The following MEX3D variants were observed in gnomAD, a reference collection of about 807,000 sequenced individuals.
MEX3D encodes mex-3 RNA binding family member D, also known as RNA-binding protein MEX3D.
In MEX3D, 4 loss-of-function variants were observed where a neutral mutation model predicts 6.3. The ratio of observed to expected loss-of-function variants is 0.64; its 90% CI spans 0.31 to 1.46. The LOEUF (loss-of-function observed/expected upper bound fraction) is 1.46. Among genes scored for constraint, MEX3D ranks in the 40% most tolerant of loss-of-function variants. The probability of loss-of-function intolerance (pLI) is 0.07; values close to 1 mark genes in which losing one functional copy is unlikely to be tolerated. For synonymous variants in MEX3D, 626 were observed against 494.1 expected, an observed-to-expected ratio of 1.27 and a Z score of -3.54; for missense variants, 1,038 against 994.4, an observed-to-expected ratio of 1.04 and a Z score of -0.59.
Position 1,555,397 on chromosome 19 carries a change from G to A in MEX3D, c.*166C>T, listed in dbSNP as rs374066231. ...GGGTCTCCGTCTCCACGCCTGAGGC[G>A]GCAGTTAAAGCTCATCTGTAAACAC... On this transcript the variant is annotated 3_prime_UTR_variant, in exon 2 of 2. Transcript: ENST00000402693. The A allele has an allele frequency of 3.7e-5, 59 of 1,600,690 alleles. No individual in the cohort carries two copies. Among genetic ancestry groups the A allele is most frequent in the South Asian group, 6.7e-5 (6 of 90,010 alleles).
At chr19:1,560,503 C>A (rs535222562) in intron 1 of MEX3D, among the ~76,000 whole-genome samples, 1 of 152,222 alleles carries the variant, frequency 6.6e-6, no homozygotes, top group African/African-American at 2.4e-5. Flanking sequence ...GAGGGTCACA[C>A]GTGGGAGAGG....
Position 1,568,084 on chromosome 19 carries a change from G to A in MEX3D, c.-26C>T. On this transcript the variant is annotated 5_prime_UTR_variant, in exon 1 of 2. Coordinates refer to ENST00000402693, the MANE Select transcript of MEX3D (RefSeq NM_203304.4). The stretch of plus-strand genomic sequence containing the variant: ...GGCGGGAGCTAGCGCTGGGGCCCGC[G>A]CTCCTGCCGCCCGCGCCGCCGCCGC... 4 of 978,312 alleles carry A rather than the reference G, an allele frequency of 4.1e-6. No homozygotes were observed. The highest frequency in any genetic ancestry group is 3.6e-6 in the Non-Finnish European group (3 of 827,672). The allele number at this position is 978,312 out of a possible 1,614,324, so 60.6% of individuals were successfully genotyped here.
rs1269769565 is a variant in MEX3D, at chr19:1,567,199, G to C, written c.595+265C>G. On this transcript the variant is annotated intron_variant, in intron 1 of 1. Coordinates refer to ENST00000402693, the MANE Select transcript of MEX3D (RefSeq NM_203304.4). The surrounding 1 kb of genome is among the most constrained non-coding windows in gnomAD (Gnocchi z 6.5). Reference sequence around the variant, plus strand: ...GGCCTGGGCTGCGGCGCGGCTCCCCGGAGCCTTTCCGGGCTGGAGGCGGCC... The same window carrying C: ...GGCCTGGGCTGCGGCGCGGCTCCCCCGAGCCTTTCCGGGCTGGAGGCGGCC... Among the ~76,000 whole-genome samples, 2 of 151,916 alleles carry C rather than the reference G, an allele frequency of 1.3e-5. No homozygotes were observed. The highest frequency in any genetic ancestry group is 4.8e-5 in the African/African-American group (2 of 41,426).
rs763493898 is a variant in MEX3D at position 1,556,456 on chromosome 19, G to C, written c.1063C>G (p.His355Asp). Reference protein sequence around the residue: ...FTDAGPDSDFHANGTDVCLDL... With the variant: ...FTDAGPDSDFDANGTDVCLDL... Reference sequence around the variant, plus strand: ...AGGCAGACGTCGGTGCCGTTGGCGTGGAAGTCGCTGTCGGGGCCCGCGTCG... The same window carrying C: ...AGGCAGACGTCGGTGCCGTTGGCGTCGAAGTCGCTGTCGGGGCCCGCGTCG... Residue 355 changes from histidine (H) to aspartate (D), a missense_variant, in exon 2 of 2, where the codon CAC becomes GAC. Physicochemically the swap from His to Asp is moderately conservative, Grantham distance 81. Transcript: ENST00000402693. The surrounding 1 kb of genome is among the most constrained non-coding windows in gnomAD (Gnocchi z 7.5). 5.6e-6 allele frequency: 9 copies of C among 1,599,124 alleles called. No individual in the cohort carries two copies. The highest frequency in any genetic ancestry group is 5.9e-6 in the Non-Finnish European group (7 of 1,177,766).
In MEX3D at chr19:1,568,313, A is replaced by AGGCGGC. The variant is rs1369375481; in HGVS notation, c.-261_-256dup. Among the ~76,000 whole-genome samples the AGGCGGC allele has an allele frequency of 4.5e-5, 6 of 132,240 alleles. 1 individual carries two copies. In the South Asian group the frequency reaches 7.8e-4, roughly 17 times the overall value. The allele number at this position is 132,240 out of a possible 152,430, so 86.8% of individuals were successfully genotyped here. On this transcript the variant is annotated 5_prime_UTR_variant, in exon 1 of 2. Coordinates refer to ENST00000402693, the MANE Select transcript of MEX3D (RefSeq NM_203304.4). ...GGCGGCGGCGGCTCCTCGGCGGCCG[A>AGGCGGC]GGCGGCGGCGGCGGCGCGGGACGCT...
intron 1 of MEX3D, among the ~76,000 whole-genome samples, chr19:1,560,812 G>A (rs1290211268): frequency 2.0e-5 from 3 of 152,158 alleles, no homozygotes; most frequent in Non-Finnish European, 4.4e-5. Context: ...TTGGTGCTGC[G>A]TCTGCTTTGA....
intron 1 of MEX3D, among the ~76,000 whole-genome samples, chr19:1,558,135 G>A (rs1432682442): frequency 6.6e-6 from 1 of 151,462 alleles, no homozygotes; most frequent in Non-Finnish European, 1.5e-5. Flanking sequence ...TGAGGCAGGA[G>A]GATCACTGGA....
rs1914475969 is a variant in MEX3D, at chr19:1,555,082, C to G, written c.*481G>C. On this transcript the variant is annotated 3_prime_UTR_variant, in exon 2 of 2. Transcript: ENST00000402693. Reference sequence around the variant, plus strand: ...GATGTACAAAAGCATAAATGGTTAGCCCCAAAAAGGGAGTAAAAATGTCAC... The same window carrying G: ...GATGTACAAAAGCATAAATGGTTAGGCCCAAAAAGGGAGTAAAAATGTCAC... The G allele has an allele frequency of 5.0e-6, 1 of 201,252 alleles. No individual in the cohort carries two copies. Among genetic ancestry groups the G allele is most frequent in the Non-Finnish European group, 9.1e-6 (1 of 109,762 alleles). 12.5% of individuals were successfully genotyped at this position (201,252 alleles called of 1,614,324 possible). A position where few individuals can be genotyped will look rare whatever the true frequency, so the allele number is the denominator to read the frequency against.
chr19:1,555,857 G>A lies in MEX3D; in HGVS notation c.1662C>T (p.Gly554=), dbSNP rs1480013338. ...RPPQGPVSFP[G]GAAFSTATSL... ...AGGTGGCCGTGGAGAAGGCGGCGCC[G>A]CCTGGGAAGGATACGGGGCCCTGCG... Residue 554 remains glycine (G), a synonymous_variant, in exon 2 of 2, where the codon GGC becomes GGT. Transcript: ENST00000402693. The A allele has an allele frequency of 3.8e-6, 5 of 1,331,452 alleles. No individual in the cohort carries two copies. The highest frequency in any genetic ancestry group is 3.3e-5 in the East Asian group (1 of 29,870). The allele number at this position is 1,331,452 out of a possible 1,614,324, so 82.5% of individuals were successfully genotyped here.
At chr19:1,557,417 T>G (rs1188436677) in intron 1 of MEX3D, among the ~76,000 whole-genome samples, 1 of 149,314 alleles carries the variant, frequency 6.7e-6, no homozygotes, top group Non-Finnish European at 1.5e-5. Context: ...ATACAAGCAA[T>G]CATCCGGGTG....
At position 1,555,270 on chromosome 19, in the gene MEX3D, T is replaced by C. The variant is rs1914484392; in HGVS notation, c.*293A>G. On this transcript the variant is annotated 3_prime_UTR_variant, in exon 2 of 2. Coordinates refer to ENST00000402693, the MANE Select transcript of MEX3D (RefSeq NM_203304.4). ...CCTGGAGGGGAGGGGTGTCTAAAAA[T>C]AAGAAAACTAAAAAAAGTGCAAGCG... 1.3e-6 allele frequency: 2 copies of C among 1,514,886 alleles called. No individual in the cohort carries two copies. The highest frequency in any genetic ancestry group is 5.3e-5 in the East Asian group (2 of 37,596). 93.8% of individuals were successfully genotyped at this position (1,514,886 alleles called of 1,614,324 possible).
intron 1 of MEX3D, among the ~76,000 whole-genome samples, chr19:1,565,474 G>A (rs907505994): frequency 3.9e-5 from 6 of 152,154 alleles, no homozygotes; most frequent in East Asian, 1.9e-4. Flanking sequence ...ACCAGAAGGC[G>A]GAGTTTGCAG....
chr19:1,566,970 G>C (rs1048406446), intron 1 of MEX3D, among the ~76,000 whole-genome samples: 2 of 152,188 alleles, frequency 1.3e-5, no homozygotes, highest in Non-Finnish European at 2.9e-5. Flanking sequence ...CCCCACCCCA[G>C]TCAGGGCCCC....
chr19:1,567,371 G>A lies in MEX3D; in HGVS notation c.595+93C>T. The A allele has an allele frequency of 1.5e-6, 2 of 1,341,138 alleles. No individual in the cohort carries two copies. The highest frequency in any genetic ancestry group is 1.9e-6 in the Non-Finnish European group (2 of 1,041,736). 83.1% of individuals were successfully genotyped at this position (1,341,138 alleles called of 1,614,324 possible). ...GGGGCGTGTCCGGTGCGGGGCGTCCGGCGCGGGCTGGGCTGGGCTCGGGCG... is the reference window on the plus strand; with the variant it reads ...GGGGCGTGTCCGGTGCGGGGCGTCCAGCGCGGGCTGGGCTGGGCTCGGGCG... On this transcript the variant is annotated intron_variant, in intron 1 of 1. Transcript: ENST00000402693. This position sits in a 1 kb window ranked among gnomAD's most constrained non-coding sequence, Gnocchi z 6.5.
chr19:1,558,343 T>C (rs1407708952), intron 1 of MEX3D, among the ~76,000 whole-genome samples: 1 of 148,140 alleles, frequency 6.8e-6, no homozygotes, highest in Non-Finnish European at 1.5e-5. Flanking sequence ...TCAGCCTGGG[T>C]GACAGAGCAA....
intron 1 of MEX3D, among the ~76,000 whole-genome samples, chr19:1,560,978 C>G (rs938582446): frequency 6.6e-6 from 1 of 152,174 alleles, no homozygotes; most frequent in African/African-American, 2.4e-5. Context: ...TGGGGGACAC[C>G]GAAGGTTGGC....
chr19:1,556,503 G>A lies in MEX3D; in HGVS notation c.1016C>T (p.Thr339Met). ...RAREEIEAHI[T>M]LRTGAFTDAG... ...GTCGGTGAAGGCGCCAGTGCGCAGC[G>A]TGATGTGCGCCTCGATCTCCTCGCG... The change falls in exon 2 of 2, where the codon ACG becomes ATG. Residue 339 changes from threonine to methionine, a missense_variant. Around this residue, in one of 5 missense-constraint regions of MEX3D, gnomAD observed 581 missense variants for 516.2 expected, o/e 1.13. Coordinates refer to ENST00000402693, the MANE Select transcript of MEX3D (RefSeq NM_203304.4). This position sits in a 1 kb window ranked among gnomAD's most constrained non-coding sequence, Gnocchi z 7.5. The A allele has an allele frequency of 1.9e-6, 3 of 1,605,640 alleles. No homozygotes were observed. The highest frequency in any genetic ancestry group is 4.5e-5 in the East Asian group (2 of 44,722).
chr19:1,557,179 C>A (rs1018183101), intron 1 of MEX3D, among the ~76,000 whole-genome samples: 2 of 152,338 alleles, frequency 1.3e-5, no homozygotes, highest in African/African-American at 4.8e-5. Flanking sequence ...AATTTATGTT[C>A]CCCTGGAACC....
In MEX3D at chr19:1,557,764, C is replaced by T. The variant is rs150649935; in HGVS notation, c.596-841G>A. 5.1e-3 allele frequency among the ~76,000 whole-genome samples: 697 copies of T among 137,928 alleles called. 6 individuals are homozygous for T. The highest frequency in any genetic ancestry group is 0.017 in the African/African-American group (632 of 37,196). The allele number at this position is 137,928 out of a possible 152,430, so 90.5% of individuals were successfully genotyped here. On this transcript the variant is annotated intron_variant, in intron 1 of 1. Coordinates refer to ENST00000402693, the MANE Select transcript of MEX3D (RefSeq NM_203304.4). ...GTCCCAGGTACTCGGGAGGCTGAGG[C>T]GGAAGAATCGCTTGAACCTGGGAGG...
Sources: gnomAD v4.1 joint callset for allele counts (sites outside exome capture counted in the v4.1 genomes callset) on GRCh38, gnomAD v4.1.1 for gene constraint, gnomAD v4.1.1 regional missense constraint, Gnocchi (gnomAD v3.1) non-coding constraint, MANE v1.5 for transcripts, NCBI Gene and HGNC (gene_info 2026-07-23, HGNC 2026-07-21) for gene names.